The following PCDHGA1 variants were observed in gnomAD, a reference collection of about 807,000 sequenced individuals.
The protein encoded by PCDHGA1 is protocadherin gamma-A1.
In PCDHGA1, 32 loss-of-function variants were observed where a neutral mutation model predicts 58.0. The observed-to-expected ratio is 0.55, with a 90% CI of 0.42 to 0.74. The LOEUF is 0.74. Among genes scored for constraint, PCDHGA1 ranks in the 30% least tolerant of loss-of-function variants. The probability of loss-of-function intolerance (pLI) is 0.00; values close to 1 mark genes in which losing one functional copy is unlikely to be tolerated. For synonymous variants in PCDHGA1, 498 were observed against 501.1 expected (o/e 0.99, Z 0.08); for missense variants, 1,205 against 1,182.3 (o/e 1.02, Z -0.28).
chr5:141,374,184 C>G (rs369352283), intron 1 of PCDHGA1: 8 of 1,613,676 alleles, frequency 5.0e-6, no homozygotes, highest in Middle Eastern at 3.3e-4. Context: ...ATCCGCTACT[C>G]TATTCCCGAG....
At chr5:141,505,616 C>T in intron 3 of PCDHGA1, 135 bp downstream of exon 3, 2 of 1,503,162 alleles carry the variant, frequency 1.3e-6, no homozygotes, top group South Asian at 1.3e-5. Flanking sequence ...CTGAAAGGAC[C>T]CACAATTCCA....
At chr5:141,417,007 C>A (rs1204390468) in intron 1 of PCDHGA1, 1 of 148,406 alleles carries the variant, frequency 6.7e-6, no homozygotes, top group Non-Finnish European at 1.5e-5. Flanking sequence ...TCAAATAATT[C>A]TATTATTTTG....
Position 141,331,908 on chromosome 5 carries a change from A to T in PCDHGA1, c.1224A>T (p.Arg408Ser). ...ATTATTACCGTTTAGTGACTGAAAG[A>T]ACACTGGACAGAGAACTTATCTCTG... is the stretch of plus-strand genomic sequence containing the variant. Reference protein sequence around the residue: ...VDNYYRLVTERTLDRELISGY... With the variant: ...VDNYYRLVTESTLDRELISGY... The change falls in exon 1 of 4, where the codon AGA (arginine) becomes AGT (serine). Residue 408 changes from arginine to serine, a missense_variant. Transcript: ENST00000517417. The T allele has an allele frequency of 3.1e-6, 5 of 1,614,206 alleles. No homozygotes were observed. The South Asian group carries it at 5.5e-5, about 18-fold the overall frequency.
Position 141,449,720 on chromosome 5 carries a change from T to C in PCDHGA1, c.2422-45087T>C, listed in dbSNP as rs373093679. 2.4e-4 allele frequency among the ~76,000 whole-genome samples: 36 copies of C among 151,876 alleles called. No individual in the cohort carries two copies. In the East Asian group the frequency reaches 3.1e-3, roughly 13 times the overall value. ...ACACAAACACATTATTTTTATATGA[T>C]ATGATTTTTTTATGACATGATTATT... On this transcript the variant is annotated intron_variant, in intron 1 of 3. Coordinates refer to ENST00000517417, the MANE Select transcript of PCDHGA1 (RefSeq NM_018912.3).
chr5:141,427,985 C>A (rs747784722), intron 1 of PCDHGA1: 23 of 1,597,524 alleles, frequency 1.4e-5, no homozygotes, highest in Non-Finnish European at 1.9e-5. Context: ...CGCTGGGGCC[C>A]GATGGCTCCG....
At chr5:141,506,898 T>C (rs2099857040) in intron 3 of PCDHGA1, among the ~76,000 whole-genome samples, 1 of 152,260 alleles carries the variant, frequency 6.6e-6, no homozygotes, top group East Asian at 1.9e-4. Context: ...AGAAGCACTG[T>C]CATCACACCT....
At chr5:141,417,943 G>A (rs772925118) in intron 1 of PCDHGA1, 2 of 1,613,194 alleles carry the variant, frequency 1.2e-6, no homozygotes, top group Admixed American at 1.7e-5. Flanking sequence ...TCTACCCCAC[G>A]CTGTGTGAGC....
chr5:141,361,163 G>A (rs1176062621), intron 1 of PCDHGA1: 2 of 1,613,940 alleles, frequency 1.2e-6, no homozygotes, highest in Middle Eastern at 1.6e-4. Flanking sequence ...GACAACGATT[G>A]TGCACCTGAA....
At chr5:141,375,842 C>A (rs547807235) in intron 1 of PCDHGA1, 13 of 1,614,122 alleles carry the variant, frequency 8.1e-6, no homozygotes, top group Non-Finnish European at 1.1e-5. Flanking sequence ...GCCCGGCTAC[C>A]TGGTGACCAA....
chr5:141,370,388 G>C (rs10052885), intron 1 of PCDHGA1: 2 of 1,542,252 alleles, frequency 1.3e-6, no homozygotes, highest in South Asian at 1.3e-5. Context: ...AAGGCGCAGA[G>C]AGCGGGATGG....
intron 1 of PCDHGA1, among the ~76,000 whole-genome samples, chr5:141,459,721 T>C (rs2098973915): frequency 6.6e-6 from 1 of 152,246 alleles, no homozygotes. Context: ...CAATGCTTCC[T>C]ATTGTCAATT....
intron 1 of PCDHGA1, among the ~76,000 whole-genome samples, chr5:141,363,621 C>G (rs1384917674): frequency 1.3e-5 from 2 of 152,216 alleles, no homozygotes; most frequent in African/African-American, 4.8e-5. Context: ...AGTGGAGAGA[C>G]TTTCTCAAAG....
intron 1 of PCDHGA1, chr5:141,400,372 A>G: frequency 6.2e-7 from 1 of 1,613,980 alleles, no homozygotes; most frequent in Non-Finnish European, 8.5e-7. Flanking sequence ...TTATTCCTAC[A>G]ACCTATGTGT....
chr5:141,419,220 A>G (rs2096345873), intron 1 of PCDHGA1: 1 of 1,613,966 alleles, frequency 6.2e-7, no homozygotes, highest in Non-Finnish European at 8.5e-7. Context: ...GTTTTCGGAC[A>G]GTCAGCCTAC....
intron 1 of PCDHGA1, among the ~76,000 whole-genome samples, chr5:141,444,359 C>T (rs942218966): frequency 7.9e-5 from 12 of 151,582 alleles, no homozygotes; most frequent in East Asian, 7.7e-4. Context: ...TTAGTAGAGA[C>T]GGGGTTTCTC....
rs561824381 is a variant in PCDHGA1 at position 141,449,084 on chromosome 5, C to T, written c.2422-45723C>T. Among the ~76,000 whole-genome samples, 8 of 152,250 alleles carry T rather than the reference C, an allele frequency of 5.3e-5. No individual in the cohort carries two copies. In the East Asian group the frequency reaches 1.4e-3, roughly 26 times the overall value. The stretch of plus-strand genomic sequence containing the variant: ...CTATTGAATAGCCCTGTACCTACAT[C>T]AGTTTTTACATATGCAGTATATCTT... On this transcript the variant is annotated intron_variant, in intron 1 of 3. Transcript: ENST00000517417.
rs753258464 is a variant in PCDHGA1, at chr5:141,388,966, G to T, written c.2421+55861G>T. ...CTAATTATGGAGGACGCCGAGCTGG[G>T]AACACATATTGCTTTGCTCAAAGTC... On this transcript the variant is annotated intron_variant, in intron 1 of 3. Coordinates refer to ENST00000517417, the MANE Select transcript of PCDHGA1 (RefSeq NM_018912.3). 15 of 1,613,896 alleles carry T rather than the reference G, an allele frequency of 9.3e-6. No homozygotes were observed. In the Admixed American group the frequency reaches 2.3e-4, roughly 25 times the overall value.
chr5:141,362,656 G>C, intron 1 of PCDHGA1: 1 of 1,396,522 alleles, frequency 7.2e-7, no homozygotes, highest in South Asian at 1.5e-5. Flanking sequence ...AGTTAGATTT[G>C]GCCAATGTTG....
chr5:141,473,004 AAAAG>A (rs1215989598), intron 1 of PCDHGA1, among the ~76,000 whole-genome samples: 5 of 151,730 alleles, frequency 3.3e-5, no homozygotes, highest in Non-Finnish European at 7.4e-5. Context: ...AAAAGAAAGA[AAAAG>A]AAAAAGAAAG....
Sources: allele counts gnomAD v4.1 joint callset (sites outside exome capture counted in the v4.1 genomes callset), GRCh38; gene constraint gnomAD v4.1.1; transcripts MANE v1.5; gene names NCBI Gene and HGNC (gene_info 2026-07-23, HGNC 2026-07-21).